The following DNMBP variants were observed in gnomAD, a reference collection of about 807,000 sequenced individuals.
DNMBP encodes the protein dynamin binding protein.
Under a neutral mutation model 150.0 loss-of-function variants are expected in DNMBP, and 87 were observed. That is an observed-to-expected ratio of 0.58 (90% CI 0.49 to 0.69). The LOEUF is 0.69. DNMBP is among the 30% of genes least tolerant of loss of function. The pLI is 0.00. For missense variants in DNMBP, 1,774 were observed against 1,949.0 expected (o/e 0.91, Z 1.69); for synonymous variants, 711 against 750.4 (o/e 0.95, Z 0.86).
chr10:99,965,484 T>A (rs568850286), intron 3 of DNMBP, among the ~76,000 whole-genome samples: 1 of 151,476 alleles, frequency 6.6e-6, no homozygotes, highest in Admixed American at 6.6e-5. Context: ...ATCTCAAACA[T>A]TATCTCACAT....
At chr10:99,982,317 G>A (rs2040787301) in intron 1 of DNMBP, among the ~76,000 whole-genome samples, 2 of 151,826 alleles carry the variant, frequency 1.3e-5, no homozygotes, top group Admixed American at 6.6e-5. Flanking sequence ...GGTAGTGCAC[G>A]CCTGTAGTCC....
At chr10:99,914,168 T>C in intron 4 of DNMBP, 1 of 1,263,804 alleles carries the variant, frequency 7.9e-7, no homozygotes, top group Non-Finnish European at 1.0e-6. Context: ...GCTGGAACCC[T>C]AAGCGTACTG....
Position 100,007,390 on chromosome 10 carries a change from C to T in DNMBP, c.-11+2448G>A, listed in dbSNP as rs1042722702. On this transcript the variant is annotated intron_variant, in intron 1 of 16. Transcript: ENST00000324109. Reference sequence around the variant, plus strand: ...GCATACACAAGTGCTACCACGACCCCGGCACACACAGGTGCCCCCCACAAG... The same window carrying T: ...GCATACACAAGTGCTACCACGACCCTGGCACACACAGGTGCCCCCCACAAG... Among the ~76,000 whole-genome samples, 15 of 151,964 alleles carry T rather than the reference C, an allele frequency of 9.9e-5. No individual in the cohort carries two copies. The East Asian group carries it at 2.3e-3, about 23-fold the overall frequency.
chr10:99,999,253 G>C (rs1019357953), intron 1 of DNMBP, among the ~76,000 whole-genome samples: 2 of 152,218 alleles, frequency 1.3e-5, no homozygotes, highest in East Asian at 3.8e-4. Flanking sequence ...TTGAGAGCAC[G>C]GGCTTTGGAG....
chr10:99,992,035 A>G (rs1564757049), intron 1 of DNMBP, among the ~76,000 whole-genome samples: 1 of 151,974 alleles, frequency 6.6e-6, no homozygotes, highest in African/African-American at 2.4e-5. Context: ...TCAGGAGTTC[A>G]AGACCAGCCT....
At chr10:99,891,301 A>G (rs2039555437) in intron 11 of DNMBP, among the ~76,000 whole-genome samples, 1 of 145,692 alleles carries the variant, frequency 6.9e-6, no homozygotes, top group Non-Finnish European at 1.5e-5. Flanking sequence ...CTCCTGCCTC[A>G]GCCTGCCCAG....
At chr10:99,897,997 G>T in intron 9 of DNMBP, 89 bp downstream of exon 9, 2 of 1,151,652 alleles carry the variant, frequency 1.7e-6, no homozygotes, top group Non-Finnish European at 2.6e-6. Context: ...CACCTGCCTT[G>T]TCCAACTCTA....
chr10:99,989,434 G>A (rs2040863208), intron 1 of DNMBP, among the ~76,000 whole-genome samples: 2 of 152,210 alleles, frequency 1.3e-5, no homozygotes, highest in South Asian at 4.1e-4. Context: ...CTTGAGGCCA[G>A]GCGCAGTGGC....
At chr10:99,941,895 C>T (rs1233799011) in intron 4 of DNMBP, among the ~76,000 whole-genome samples, 2 of 152,202 alleles carry the variant, frequency 1.3e-5, no homozygotes, top group African/African-American at 4.8e-5. Context: ...TGCTGGCATC[C>T]ATCCCTTGCC....
rs755674215 is a variant in DNMBP at position 99,972,103 on chromosome 10, G to A, written c.22C>T (p.Arg8Ter). MEAGSVV[R>*]AIFDFCPSVS... The stretch of plus-strand genomic sequence containing the variant: ...CTAGGGCAGAAGTCAAAAATGGCTC[G>A]AACCACTGAGCCAGCCTCCATGTTT... The change falls in exon 2 of 17, where the codon CGA becomes TGA. Residue 8 changes from arginine to a stop codon, truncating the protein, a stop_gained. Transcript: ENST00000324109. LOFTEE classifies it high-confidence loss of function. 10 of 1,613,254 alleles carry A rather than the reference G, an allele frequency of 6.2e-6. No homozygotes were observed. The highest frequency in any genetic ancestry group is 3.3e-5 in the South Asian group (3 of 90,924).
chr10:99,999,544 A>G (rs1032810489), intron 1 of DNMBP, among the ~76,000 whole-genome samples: 3 of 152,224 alleles, frequency 2.0e-5, no homozygotes, highest in African/African-American at 7.2e-5. Context: ...GGTCAACTGC[A>G]GTCTAAAAAT....
chr10:99,887,610 A>G (rs996586601), intron 12 of DNMBP, among the ~76,000 whole-genome samples: 1 of 152,154 alleles, frequency 6.6e-6, no homozygotes, highest in Non-Finnish European at 1.5e-5. Flanking sequence ...TAAAGAACAT[A>G]AACAGGTACT....
intron 4 of DNMBP, among the ~76,000 whole-genome samples, chr10:99,941,389 T>C (rs12250618): frequency 0.044 from 6,723 of 152,156 alleles, 164 homozygotes; most frequent in South Asian, 0.083. Context: ...TGACCAGAAA[T>C]GTGGTTGCTA....
At chr10:99,922,527 T>A (rs1232490935) in intron 4 of DNMBP, among the ~76,000 whole-genome samples, 3 of 78,966 alleles carry the variant, frequency 3.8e-5, no homozygotes, top group Non-Finnish European at 6.6e-5. Context: ...TTTTTTTTCT[T>A]AAAAAAAAAA....
rs140037936 is a variant in DNMBP at position 99,952,120 on chromosome 10, T to C, written c.2260+3094A>G. Among the ~76,000 whole-genome samples, 417 of 152,274 alleles carry C rather than the reference T, an allele frequency of 2.7e-3. 6 individuals are homozygous for C. Among genetic ancestry groups the C allele is most frequent in the East Asian group, 0.024 (126 of 5,180 alleles). On this transcript the variant is annotated intron_variant, in intron 4 of 16. Coordinates refer to ENST00000324109, the MANE Select transcript of DNMBP (RefSeq NM_015221.4). ...TCCCTACACAAACTCTCTCTTTGCC[T>C]GCTATCATCCATGTAAGACGTGACT...
At chr10:99,901,543 A>G (rs2039738395) in intron 6 of DNMBP, among the ~76,000 whole-genome samples, 1 of 152,146 alleles carries the variant, frequency 6.6e-6, no homozygotes, top group African/African-American at 2.4e-5. Flanking sequence ...CCCCTCATCT[A>G]AAGTCAGTTA....
At chr10:99,986,683 G>T (rs992590080) in intron 1 of DNMBP, among the ~76,000 whole-genome samples, 1 of 145,534 alleles carries the variant, frequency 6.9e-6, no homozygotes, top group Non-Finnish European at 1.5e-5. Context: ...GACAACAAAC[G>T]CAAGTGAGCT....
intron 4 of DNMBP, among the ~76,000 whole-genome samples, chr10:99,919,896 T>C (rs2040003877): frequency 6.6e-6 from 1 of 152,222 alleles, no homozygotes. Context: ...TAACTGGAGT[T>C]AAACTAGATG....
chr10:99,998,093 G>T (rs12255542), intron 1 of DNMBP, among the ~76,000 whole-genome samples: 3 of 151,574 alleles, frequency 2.0e-5, no homozygotes, highest in Non-Finnish European at 4.4e-5. Flanking sequence ...AAATTAGCCA[G>T]GCGTGGTGGC....
Sources: gnomAD v4.1 joint callset for allele counts (sites outside exome capture counted in the v4.1 genomes callset) on GRCh38, gnomAD v4.1.1 for gene constraint, MANE v1.5 for transcripts, NCBI Gene and HGNC (gene_info 2026-07-23, HGNC 2026-07-21) for gene names.